The following SCN11A variants were observed in gnomAD, a reference collection of about 807,000 sequenced individuals.
The protein encoded by SCN11A is sodium channel protein type 11 subunit alpha.
A neutral mutation model predicts 162.2 loss-of-function variants in SCN11A; 122 were observed. The observed-to-expected ratio is 0.75, with a 90% confidence interval of 0.65 to 0.87. The LOEUF is 0.87. Ranked by LOEUF, SCN11A falls within the 40% of genes least tolerant of loss-of-function variation. The pLI, the probability that SCN11A is intolerant of heterozygous loss-of-function variation, is 0.00. For synonymous variants in SCN11A, 758 were observed against 751.5 expected (o/e 1.01, Z -0.14); for missense variants, 2,015 against 2,181.6 (o/e 0.92, Z 1.52).
chr3:38,954,139 T>G (rs534544909), intron 3 of SCN11A, among the ~76,000 whole-genome samples: 2 of 152,360 alleles, frequency 1.3e-5, no homozygotes, highest in African/African-American at 4.8e-5. Context: ...CATCACTGTC[T>G]GTCCCACATT....
At chr3:38,914,523 T>C (rs1189929159) in intron 11 of SCN11A, among the ~76,000 whole-genome samples, 4 of 152,158 alleles carry the variant, frequency 2.6e-5, no homozygotes, top group African/African-American at 4.8e-5. Flanking sequence ...CCCAATACTA[T>C]GTTGAATAGG....
intron 2 of SCN11A, among the ~76,000 whole-genome samples, chr3:39,001,403 A>G (rs779580017): frequency 7.9e-5 from 12 of 152,210 alleles, no homozygotes; most frequent in Non-Finnish European, 1.6e-4. Context: ...TCTTTCACTC[A>G]GCAAAATGTT....
chr3:38,957,913 T>A (rs2066701200), intron 3 of SCN11A, among the ~76,000 whole-genome samples: 2 of 152,216 alleles, frequency 1.3e-5, no homozygotes, highest in South Asian at 4.1e-4. Context: ...TGTGTACGTC[T>A]GCACCAGAGG....
intron 2 of SCN11A, among the ~76,000 whole-genome samples, chr3:38,962,616 T>C (rs2066748635): frequency 1.3e-5 from 2 of 152,088 alleles, no homozygotes; most frequent in Non-Finnish European, 2.9e-5. Context: ...TTTGGGAGGC[T>C]GAGGCTGATG....
Position 38,899,981 on chromosome 3 carries a change from G to A in SCN11A, c.1935C>T (p.Asp645=), listed in dbSNP as rs1327668640. Reference sequence around the variant, plus strand: ...CAAAACTCAGAAGAGCAACAATGCTGTCAAAAATGTTCCAGCCTCGGCGAA... The same window carrying A: ...CAAAACTCAGAAGAGCAACAATGCTATCAAAAATGTTCCAGCCTCGGCGAA... The part of the protein sequence containing the change: ...HYFRRGWNIF[D]SIVALLSFAD... Residue 645 remains aspartate, a synonymous_variant, in exon 17 of 30, where the codon GAC becomes GAT. Coordinates refer to ENST00000302328, the MANE Select transcript of SCN11A (RefSeq NM_001349253.2). 1.2e-6 allele frequency: 2 copies of A among 1,614,030 alleles called. No individual in the cohort carries two copies. The highest frequency in any genetic ancestry group is 8.5e-7 in the Non-Finnish European group (1 of 1,179,938).
chr3:38,859,067 T>C (rs2064920413), intron 28 of SCN11A, among the ~76,000 whole-genome samples: 2 of 152,000 alleles, frequency 1.3e-5, no homozygotes, highest in South Asian at 4.2e-4. Context: ...TACATCATAA[T>C]GTCTGAAAGA....
In SCN11A at chr3:38,870,755, A is replaced by G; in HGVS notation, c.3760-11T>C. 6.2e-7 allele frequency: 1 copy of G among 1,611,948 alleles called. No homozygotes were observed. Among genetic ancestry groups the G allele is most frequent in the Non-Finnish European group, 8.5e-7 (1 of 1,178,168 alleles). ...GCCCTTAAATGTTGCCTGCAACAAA[A>G]GCAGAAAAACATGAATAATACAAAT... On this transcript the variant is annotated splice_polypyrimidine_tract_variant and intron_variant, in intron 25 of 29. Coordinates refer to ENST00000302328, the MANE Select transcript of SCN11A (RefSeq NM_001349253.2).
intron 11 of SCN11A, among the ~76,000 whole-genome samples, chr3:38,911,952 C>T (rs2065892342): frequency 6.6e-6 from 1 of 152,120 alleles, no homozygotes; most frequent in African/African-American, 2.4e-5. Context: ...CAAAGATTTT[C>T]TTCAGATGCC....
At chr3:38,867,510 T>C in intron 26 of SCN11A, 52 bp from the exon 27 acceptor site, 2 of 1,418,486 alleles carry the variant, frequency 1.4e-6, no homozygotes, top group Non-Finnish European at 2.0e-6. Context: ...GAGAAAAATA[T>C]AAGCATTCTA....
Position 38,950,352 on chromosome 3 carries a change from C to A in SCN11A, c.11G>T (p.Arg4Ile). 6.2e-7 allele frequency: 1 copy of A among 1,613,682 alleles called. No homozygotes were observed. The highest frequency in any genetic ancestry group is 8.5e-7 in the Non-Finnish European group (1 of 1,180,020). ...ATCTGGAAAGATTACTGGGTAGCAT[C>A]TGTCATCCATCTTCACCCTCAGGAC... MDD[R>I]CYPVIFPDER... Residue 4 changes from arginine to isoleucine, a missense_variant, in exon 5 of 30, where the codon AGA (arginine) becomes ATA (isoleucine). Transcript: ENST00000302328.
intron 2 of SCN11A, among the ~76,000 whole-genome samples, chr3:39,016,792 A>C (rs1423396529): frequency 6.6e-6 from 1 of 151,998 alleles, no homozygotes; most frequent in African/African-American, 2.4e-5. Context: ...TGGTAGAGAC[A>C]GGGTTTCACC....
rs562491518 is a variant in SCN11A at position 39,024,536 on chromosome 3, A to G, written c.-280+7844T>C. ...TCCCCTGAGACTAGCCATACAAACT[A>G]GAATCCCTGTTCCCCAAGGCAGGTC... On this transcript the variant is annotated intron_variant, in intron 2 of 29. Coordinates refer to ENST00000302328, the MANE Select transcript of SCN11A (RefSeq NM_001349253.2). 5.9e-5 allele frequency among the ~76,000 whole-genome samples: 9 copies of G among 152,368 alleles called. No homozygotes were observed. In the East Asian group the frequency reaches 1.7e-3, roughly 29 times the overall value.
In SCN11A at chr3:38,872,247, C is replaced by A; in HGVS notation, c.3441G>T (p.Arg1147=). ...LINLMELKSF[R]TLRALRPLRA... ...GAAGAGGCCTCAGTGCTCGTAGAGT[C>A]CGGAAGGACTTCAATTCCATTAAGT... The change falls in exon 24 of 30, where the codon CGG becomes CGT. Residue 1147 remains arginine, a synonymous_variant. Coordinates refer to ENST00000302328, the MANE Select transcript of SCN11A (RefSeq NM_001349253.2). The A allele has an allele frequency of 6.2e-7, 1 of 1,611,280 alleles. No individual in the cohort carries two copies. The highest frequency in any genetic ancestry group is 8.5e-7 in the Non-Finnish European group (1 of 1,177,654).
intron 2 of SCN11A, among the ~76,000 whole-genome samples, chr3:38,993,666 C>T (rs183847041): frequency 1.3e-5 from 2 of 152,264 alleles, no homozygotes. Flanking sequence ...GAAAGAAACA[C>T]CCAAGCAGTC....
intron 5 of SCN11A, among the ~76,000 whole-genome samples, 194 bp downstream of exon 5, chr3:38,949,902 T>C (rs533457382): frequency 6.6e-6 from 1 of 152,088 alleles, no homozygotes; most frequent in Non-Finnish European, 1.5e-5. Flanking sequence ...AATACATGCA[T>C]TGCAGAGAAA....
chr3:39,031,848 G>C (rs2031768920), intron 2 of SCN11A, among the ~76,000 whole-genome samples: 1 of 152,092 alleles, frequency 6.6e-6, no homozygotes, highest in Admixed American at 6.5e-5. Flanking sequence ...GCATTAAAAA[G>C]TTTATTTTGT....
chr3:38,902,212 GA>G (rs1220136843), intron 16 of SCN11A, among the ~76,000 whole-genome samples: 4 of 152,178 alleles, frequency 2.6e-5, no homozygotes, highest in Non-Finnish European at 5.9e-5. Context: ...GCCTTCAACT[GA>G]AACAATTTCA....
At chr3:38,972,984 AAATT>A (rs1330113146) in intron 2 of SCN11A, among the ~76,000 whole-genome samples, 8 of 152,248 alleles carry the variant, frequency 5.3e-5, no homozygotes, top group Non-Finnish European at 1.2e-4. Context: ...GTTTACATGA[AAATT>A]AATTAATGAG....
At chr3:38,993,860 G>T (rs955484749) in intron 2 of SCN11A, among the ~76,000 whole-genome samples, 1 of 152,096 alleles carries the variant, frequency 6.6e-6, no homozygotes, top group Non-Finnish European at 1.5e-5. Context: ...TGGAGTAGGG[G>T]GCTGCAATTA....
Sources: allele counts gnomAD v4.1 joint callset (sites outside exome capture counted in the v4.1 genomes callset), GRCh38; gene constraint gnomAD v4.1.1; transcripts MANE v1.5; gene names NCBI Gene and HGNC (gene_info 2026-07-23, HGNC 2026-07-21).